The following DCAF13 variants were observed in gnomAD, a reference collection of about 807,000 sequenced individuals.
DCAF13 encodes DDB1 and CUL4 associated factor 13, also known as DDB1- and CUL4-associated factor 13.
In DCAF13, 38 loss-of-function variants were observed where a neutral mutation model predicts 59.0. The observed-to-expected ratio is 0.64, with a 90% CI of 0.50 to 0.84. The LOEUF (loss-of-function observed/expected upper bound fraction) is 0.84. Ranked by LOEUF, DCAF13 falls within the 40% of genes least tolerant of loss-of-function variation. DCAF13 has a pLI of 0.00. For synonymous variants in DCAF13, 173 were observed against 175.0 expected, an observed-to-expected ratio of 0.99 and a Z score of 0.09; for missense variants, 469 against 558.4, an observed-to-expected ratio of 0.84 and a Z score of 1.61.
chr8:103,420,439 C>A lies in DCAF13; in HGVS notation c.246C>A (p.Val82=). The part of the protein sequence containing the change: ...LAKHPEKLAT[V]LSGACDGEVR... Reference sequence around the variant, plus strand: ...AGCATCCAGAGAAGCTGGCTACTGTCCTTTCTGGGGCGTGTGATGGAGAGG... The same window carrying A: ...AGCATCCAGAGAAGCTGGCTACTGTACTTTCTGGGGCGTGTGATGGAGAGG... Residue 82 remains valine, a synonymous_variant, in exon 2 of 11, where the codon GTC becomes GTA. Coordinates refer to ENST00000612750, the MANE Select transcript of DCAF13 (RefSeq NM_015420.7). 6.2e-7 allele frequency: 1 copy of A among 1,613,858 alleles called. No individual in the cohort carries two copies. The highest frequency in any genetic ancestry group is 8.5e-7 in the Non-Finnish European group (1 of 1,179,876).
intron 7 of DCAF13, 144 bp from the exon 8 acceptor site, chr8:103,435,482 C>G (rs998246367): frequency 3.6e-6 from 2 of 547,966 alleles, no homozygotes; most frequent in African/African-American, 2.0e-5. Flanking sequence ...TTCCTTATCC[C>G]TCACCTGCTT....
intron 7 of DCAF13, 135 bp downstream of exon 7, chr8:103,432,876 A>G (rs1186793082): frequency 3.9e-6 from 2 of 514,886 alleles, no homozygotes; most frequent in Non-Finnish European, 6.9e-6. Flanking sequence ...TTAGCTTTAA[A>G]AAGTTTTCCA....
intron 3 of DCAF13, among the ~76,000 whole-genome samples, chr8:103,423,994 A>G (rs1184344920): frequency 2.0e-5 from 3 of 150,282 alleles, no homozygotes; most frequent in Admixed American, 6.6e-5. Context: ...CACCATGCCC[A>G]CCTTATTGTT....
In DCAF13 at chr8:103,440,229, C is replaced by T. The variant is rs1412552800; in HGVS notation, c.1044C>T (p.Asn348=). ...TTATGTGTGGATCTGATGAAATGAA[C>T]ATTCGCCTGTGGAAAGCTAATGCTT... ...KYIMCGSDEM[N]IRLWKANASE... is the part of the protein sequence containing the mutation. The change falls in exon 9 of 11, where the codon AAC becomes AAT. Residue 348 remains asparagine (N), a synonymous_variant. Transcript: ENST00000612750. 6.9e-6 allele frequency: 11 copies of T among 1,595,896 alleles called. No homozygotes were observed. Among genetic ancestry groups the T allele is most frequent in the Non-Finnish European group, 9.4e-6 (11 of 1,172,304 alleles).
At chr8:103,416,476 C>T (rs976515198) in intron 1 of DCAF13, among the ~76,000 whole-genome samples, 1 of 152,138 alleles carries the variant, frequency 6.6e-6, no homozygotes, top group Admixed American at 6.5e-5. Context: ...TAGTATTCAC[C>T]CTTGCAAATC....
At position 103,441,566 on chromosome 8, in the gene DCAF13, A is replaced by T; in HGVS notation, c.1198A>T (p.Ile400Phe). Residue 400 changes from isoleucine to phenylalanine, a missense_variant, in exon 10 of 11, where the codon ATC becomes TTC. By Grantham distance (21) the Ile-to-Phe change is conservative. Transcript: ENST00000612750. ...TCGTCATCGACATCTACCAAAATCT[A>T]TCTATAGCCAGATTCAGGAACAGCG... ...IARHRHLPKS[I>F]YSQIQEQRIM... The T allele has an allele frequency of 6.2e-7, 1 of 1,609,864 alleles. No homozygotes were observed. Among genetic ancestry groups the T allele is most frequent in the Non-Finnish European group, 8.5e-7 (1 of 1,179,088 alleles).
intron 3 of DCAF13, among the ~76,000 whole-genome samples, chr8:103,425,264 C>G (rs1446604392): frequency 6.6e-6 from 1 of 152,164 alleles, no homozygotes. Context: ...ATTTTGTTTT[C>G]AACCTCAAAC....
intron 1 of DCAF13, among the ~76,000 whole-genome samples, chr8:103,417,916 G>A (rs556307609): frequency 5.8e-4 from 88 of 152,060 alleles, no homozygotes; most frequent in African/African-American, 1.8e-3. Context: ...TCAGGAGATC[G>A]AGACTATCCT....
intron 1 of DCAF13, among the ~76,000 whole-genome samples, chr8:103,418,240 G>A (rs1816654162): frequency 6.6e-6 from 1 of 151,992 alleles, no homozygotes; most frequent in African/African-American, 2.4e-5. Flanking sequence ...AAACTGCCTG[G>A]GAATGCAGTG....
At chr8:103,427,372 C>A in intron 5 of DCAF13, 120 bp downstream of exon 5, 1 of 894,212 alleles carries the variant, frequency 1.1e-6, no homozygotes, top group South Asian at 1.8e-5. Context: ...GGCATTTTGT[C>A]AGTTTTCCCG....
chr8:103,436,014 A>G (rs1816927493), intron 8 of DCAF13, among the ~76,000 whole-genome samples: 1 of 152,226 alleles, frequency 6.6e-6, no homozygotes, highest in Non-Finnish European at 1.5e-5. Context: ...ACTGTGCTGA[A>G]TACTGTGGGC....
Position 103,421,049 on chromosome 8 carries a change from A to G in DCAF13, c.345A>G (p.Ile115Met). The change falls in exon 3 of 11, where the codon ATA becomes ATG. Residue 115 changes from isoleucine to methionine, a missense_variant. By Grantham distance (10) the Ile-to-Met change is conservative. Coordinates refer to ENST00000612750, the MANE Select transcript of DCAF13 (RefSeq NM_015420.7). The part of the protein sequence containing the change: ...IQAHEGFVRG[I>M]CTRFCGTSFF... ...CACATGAAGGCTTTGTACGAGGAATATGTACTCGCTTTTGTGGGACTTCTT... is the reference window on the plus strand; with the variant it reads ...CACATGAAGGCTTTGTACGAGGAATGTGTACTCGCTTTTGTGGGACTTCTT... The G allele has an allele frequency of 6.2e-7, 1 of 1,613,292 alleles. No individual in the cohort carries two copies. Among genetic ancestry groups the G allele is most frequent in the Non-Finnish European group, 8.5e-7 (1 of 1,179,328 alleles).
At position 103,436,522 on chromosome 8, in the gene DCAF13, GTA is replaced by G. The variant is rs1816936829; in HGVS notation, c.950+735_950+736del. Among the ~76,000 whole-genome samples the G allele has an allele frequency of 2.6e-5, 4 of 152,080 alleles. No individual in the cohort carries two copies. In the South Asian group the frequency reaches 8.3e-4, roughly 32 times the overall value. On this transcript the variant is annotated intron_variant, in intron 8 of 10. Coordinates refer to ENST00000612750, the MANE Select transcript of DCAF13 (RefSeq NM_015420.7). The stretch of plus-strand genomic sequence containing the variant: ...ATATTTAAGATTTTTATTGTGTTTT[GTA>G]TAGTTTGGCCCTTTACTACATATTA...
chr8:103,436,390 G>T (rs575737565), intron 8 of DCAF13, among the ~76,000 whole-genome samples: 1 of 152,174 alleles, frequency 6.6e-6, no homozygotes, highest in South Asian at 2.1e-4. Context: ...ACTTTAGTAG[G>T]TATATGGCTT....
chr8:103,417,679 G>T (rs1004854445), intron 1 of DCAF13, among the ~76,000 whole-genome samples: 1 of 150,586 alleles, frequency 6.6e-6, no homozygotes, highest in African/African-American at 2.4e-5. Flanking sequence ...TTAATTACAT[G>T]CTCTCATTAA....
At chr8:103,434,809 G>A (rs934541732) in intron 7 of DCAF13, among the ~76,000 whole-genome samples, 3 of 152,036 alleles carry the variant, frequency 2.0e-5, no homozygotes, top group Non-Finnish European at 4.4e-5. Context: ...TGAAACTCAT[G>A]AAGTCATTGT....
chr8:103,417,604 T>G (rs1816638723), intron 1 of DCAF13, among the ~76,000 whole-genome samples: 1 of 139,452 alleles, frequency 7.2e-6, no homozygotes, highest in African/African-American at 2.8e-5. Flanking sequence ...ATTGCGTCAC[T>G]GCACTCCAGC....
intron 8 of DCAF13, among the ~76,000 whole-genome samples, chr8:103,439,306 T>A (rs3098220): frequency 0.22 from 33,186 of 151,358 alleles, 3,738 homozygotes; most frequent in East Asian, 0.34. Flanking sequence ...AAATTATTCT[T>A]ACCTCAACTT....
intron 1 of DCAF13, among the ~76,000 whole-genome samples, chr8:103,416,062 TA>T (rs1816606681): frequency 6.6e-6 from 1 of 152,210 alleles, no homozygotes; most frequent in Admixed American, 6.5e-5. Context: ...GCTAACCACT[TA>T]TAAATTGTAC....
Sources: gnomAD v4.1 joint callset for allele counts (sites outside exome capture counted in the v4.1 genomes callset) on GRCh38, gnomAD v4.1.1 for gene constraint, MANE v1.5 for transcripts, NCBI Gene and HGNC (gene_info 2026-07-23, HGNC 2026-07-21) for gene names.